DUSP10: variants seen among roughly 807,000 people sequenced by gnomAD.
The protein encoded by DUSP10 is dual specificity phosphatase 10.
A neutral mutation model predicts 30.8 loss-of-function variants in DUSP10; 14 were observed. That is an observed-to-expected ratio of 0.46 (90% CI 0.30 to 0.71). DUSP10 has a LOEUF of 0.71. DUSP10 is among the 30% of genes least tolerant of loss of function. The pLI is 0.08. For synonymous variants in DUSP10, 254 were observed against 250.4 expected, an observed-to-expected ratio of 1.01 and a Z score of -0.14; for missense variants, 550 against 619.4, an observed-to-expected ratio of 0.89 and a Z score of 1.19.
At chr1:221,714,456 C>T (rs1277491169) in intron 2 of DUSP10, among the ~76,000 whole-genome samples, 1 of 152,154 alleles carries the variant, frequency 6.6e-6, no homozygotes, top group African/African-American at 2.4e-5. Flanking sequence ...CTCCATCTTC[C>T]CTTCTCTGCC....
chr1:221,730,500 T>A (rs1661557007), intron 2 of DUSP10, among the ~76,000 whole-genome samples: 1 of 152,186 alleles, frequency 6.6e-6, no homozygotes, highest in African/African-American at 2.4e-5. Flanking sequence ...CGCTTTGTTT[T>A]GTGTTCTATG....
At chr1:221,709,767 GA>G (rs555037967) in intron 2 of DUSP10, among the ~76,000 whole-genome samples, 119 of 152,254 alleles carry the variant, frequency 7.8e-4, no homozygotes, top group African/African-American at 2.8e-3. Context: ...TTGAAATCTG[GA>G]GGGGAGGGGG....
intron 2 of DUSP10, among the ~76,000 whole-genome samples, chr1:221,724,250 C>T (rs140066838): frequency 1.3e-3 from 194 of 152,218 alleles, no homozygotes; most frequent in Non-Finnish European, 2.3e-3. Context: ...TCAATTGCCT[C>T]ATCTAAAAAG....
At chr1:221,717,740 C>T (rs765112386) in intron 2 of DUSP10, among the ~76,000 whole-genome samples, 11 of 152,118 alleles carry the variant, frequency 7.2e-5, no homozygotes, top group Non-Finnish European at 1.6e-4. Flanking sequence ...TTTTCTCTGC[C>T]TTGTGAGGGC....
Position 221,739,496 on chromosome 1 carries a change from C to A in DUSP10, c.249G>T (p.Val83=), listed in dbSNP as rs747328324. The A allele has an allele frequency of 6.2e-7, 1 of 1,614,134 alleles. No homozygotes were observed. Among genetic ancestry groups the A allele is most frequent in the South Asian group, 1.1e-5 (1 of 91,078 alleles). ...CGCSSASCCT[V]ATYDKDNQAQ... is the part of the protein sequence containing the mutation. ...CCTGATTGTCCTTGTCGTAGGTTGC[C>A]ACAGTGCAGCAGCTGGCACTGCTGC... is the stretch of plus-strand genomic sequence containing the variant. Residue 83 remains valine, a synonymous_variant, in exon 2 of 4, where the codon GTG becomes GTT. Coordinates refer to ENST00000366899, the MANE Select transcript of DUSP10 (RefSeq NM_007207.6).
intron 2 of DUSP10, among the ~76,000 whole-genome samples, chr1:221,732,679 G>A (rs765978150): frequency 6.6e-6 from 1 of 152,144 alleles, no homozygotes; most frequent in Non-Finnish European, 1.5e-5. Flanking sequence ...CCTTGGACAA[G>A]CCCCATTCCT....
At chr1:221,725,621 T>C (rs950080386) in intron 2 of DUSP10, among the ~76,000 whole-genome samples, 2 of 152,242 alleles carry the variant, frequency 1.3e-5, no homozygotes, top group African/African-American at 2.4e-5. Flanking sequence ...TGTCAAAGAA[T>C]TATCTCCTAT....
At chr1:221,705,312 T>C (rs552122570) in intron 3 of DUSP10, among the ~76,000 whole-genome samples, 7 of 152,128 alleles carry the variant, frequency 4.6e-5, no homozygotes, top group Non-Finnish European at 8.8e-5. Flanking sequence ...AGTTTCTCCA[T>C]GTTGGTCAGG....
rs1338988076 is a variant in DUSP10 at position 221,739,090 on chromosome 1, T to C, written c.655A>G (p.Arg219Gly). The change falls in exon 2 of 4, where the codon AGG becomes GGG. Residue 219 changes from arginine (R) to glycine (G), a missense_variant. Arg to Gly is a moderately radical substitution (Grantham distance 125). Transcript: ENST00000366899. Reference sequence around the variant, plus strand: ...CTCTTGAAAGAGTCCTTGCCTTCCCTACAGGAAATCAAGTCTAGGACAGTG... The same window carrying C: ...CTCTTGAAAGAGTCCTTGCCTTCCCCACAGGAAATCAAGTCTAGGACAGTG... ...KITVLDLISCREGKDSFKRIF... is the reference protein window; with the variant it reads ...KITVLDLISCGEGKDSFKRIF... 1.9e-6 allele frequency: 3 copies of C among 1,614,104 alleles called. No individual in the cohort carries two copies. The Admixed American group carries it at 5.0e-5, about 27-fold the overall frequency.
At chr1:221,740,612 A>T (rs1168779742) in intron 1 of DUSP10, among the ~76,000 whole-genome samples, 2 of 152,100 alleles carry the variant, frequency 1.3e-5, no homozygotes, top group Non-Finnish European at 2.9e-5. Context: ...TGGAAAGGAC[A>T]ACTTGGGCTC....
At chr1:221,718,975 A>G (rs1022947998) in intron 2 of DUSP10, among the ~76,000 whole-genome samples, 1 of 152,228 alleles carries the variant, frequency 6.6e-6, no homozygotes, top group Non-Finnish European at 1.5e-5. Context: ...AAGCAAGACA[A>G]AGTTACACAG....
At position 221,702,537 on chromosome 1, in the gene DUSP10, G is replaced by T. The variant is rs906866132; in HGVS notation, c.1324C>A (p.Arg442=). ...TTAAGGTTTGGGGAGATAATTGGTC[G>T]TTTGCCTTTGACAAATTTATAAGCA... The part of the protein sequence containing the change: ...TDAYKFVKGK[R]PIISPNLNFM... Residue 442 remains arginine (R), a synonymous_variant, in exon 4 of 4, where the codon CGA becomes AGA. Transcript: ENST00000366899. The surrounding 1 kb of genome is among the most constrained non-coding windows in gnomAD (Gnocchi z 4.5). The T allele has an allele frequency of 1.2e-6, 2 of 1,614,032 alleles. No homozygotes were observed. Among genetic ancestry groups the T allele is most frequent in the African/African-American group, 2.7e-5 (2 of 74,892 alleles).
rs11118830 is a variant in DUSP10 at position 221,702,687 on chromosome 1, G to A, written c.1184-10C>T. 0.067 allele frequency: 107,288 copies of A among 1,612,334 alleles called. 4,092 individuals are homozygous for A. Among genetic ancestry groups the A allele is most frequent in the Non-Finnish European group, 0.074 (87,310 of 1,178,690 alleles). ...CACTGGTGAGCTTCCTCTGAAAAAA[G>A]GGAGAAAGACAAGAGATGAAGGGAA... On this transcript the variant is annotated splice_polypyrimidine_tract_variant and intron_variant, in intron 3 of 3. Coordinates refer to ENST00000366899, the MANE Select transcript of DUSP10 (RefSeq NM_007207.6). This position sits in a 1 kb window ranked among gnomAD's most constrained non-coding sequence, Gnocchi z 4.5.
intron 2 of DUSP10, among the ~76,000 whole-genome samples, chr1:221,713,870 T>C (rs1262593728): frequency 1.3e-5 from 2 of 152,132 alleles, no homozygotes; most frequent in South Asian, 2.1e-4. Context: ...TTGAGATAGG[T>C]GGTCAATTTC....
chr1:221,706,280 T>C lies in DUSP10; in HGVS notation c.998A>G (p.Asn333Ser). Residue 333 changes from asparagine to serine, a missense_variant, in exon 3 of 4, where the codon AAT (asparagine) becomes AGT (serine). Coordinates refer to ENST00000366899, the MANE Select transcript of DUSP10 (RefSeq NM_007207.6). This position sits in a 1 kb window ranked among gnomAD's most constrained non-coding sequence, Gnocchi z 4.6. ...TPILPFLFLGNEQDAQDLDTM... is the reference protein window; with the variant it reads ...TPILPFLFLGSEQDAQDLDTM... Reference sequence around the variant, plus strand: ...GTCCAGGTCCTGAGCATCCTGCTCATTGCCAAGGAACAGGAAGGGCAAGAT... The same window carrying C: ...GTCCAGGTCCTGAGCATCCTGCTCACTGCCAAGGAACAGGAAGGGCAAGAT... The C allele has an allele frequency of 6.2e-7, 1 of 1,614,174 alleles. No homozygotes were observed. The highest frequency in any genetic ancestry group is 8.5e-7 in the Non-Finnish European group (1 of 1,180,016).
intron 2 of DUSP10, among the ~76,000 whole-genome samples, chr1:221,725,228 G>A (rs1236056422): frequency 1.3e-5 from 2 of 152,186 alleles, no homozygotes; most frequent in African/African-American, 4.8e-5. Context: ...CCAGAAGAAT[G>A]TCACTAGCAA....
At chr1:221,733,188 T>C (rs947382619) in intron 2 of DUSP10, among the ~76,000 whole-genome samples, 2 of 152,202 alleles carry the variant, frequency 1.3e-5, no homozygotes, top group Non-Finnish European at 2.9e-5. Context: ...CCTGAGGGTG[T>C]ATGCACCAGG....
Position 221,726,724 on chromosome 1 carries a change from A to T in DUSP10, c.811+12210T>A, listed in dbSNP as rs949128591. ...CAGGAAAAAAAAAAAAAAAAACCCT[A>T]TGTAGTTATCTATCCACCCCAAAAG... On this transcript the variant is annotated intron_variant, in intron 2 of 3. Transcript: ENST00000366899. 2.0e-5 allele frequency among the ~76,000 whole-genome samples: 3 copies of T among 150,054 alleles called. No individual in the cohort carries two copies. In the East Asian group the frequency reaches 5.8e-4, roughly 29 times the overall value.
At chr1:221,735,194 G>A (rs962544809) in intron 2 of DUSP10, among the ~76,000 whole-genome samples, 2 of 152,136 alleles carry the variant, frequency 1.3e-5, no homozygotes, top group Admixed American at 1.3e-4. Flanking sequence ...AAGGCCTTTG[G>A]TACAGAGCAG....
Sources: gnomAD v4.1 joint callset for allele counts (sites outside exome capture counted in the v4.1 genomes callset) on GRCh38, gnomAD v4.1.1 for gene constraint, Gnocchi (gnomAD v3.1) non-coding constraint, MANE v1.5 for transcripts, NCBI Gene and HGNC (gene_info 2026-07-23, HGNC 2026-07-21) for gene names.